Variants in LUZP2 observed in about 807,000 individuals in gnomAD.
LUZP2 encodes leucine zipper protein 2.
Under a neutral mutation model 51.6 loss-of-function variants are expected in LUZP2, and 52 were observed. The ratio of observed to expected loss-of-function variants is 1.01; its 90% CI spans 0.81 to 1.27. The LOEUF (loss-of-function observed/expected upper bound fraction) is 1.27. Ranked by LOEUF, LUZP2 falls within the 50% of genes most tolerant of loss-of-function variation. The pLI, the probability that LUZP2 is intolerant of heterozygous loss-of-function variation, is 0.00. For missense variants in LUZP2, 436 were observed against 395.4 expected, an observed-to-expected ratio of 1.10 and a Z score of -0.87; for synonymous variants, 154 against 137.3, an observed-to-expected ratio of 1.12 and a Z score of -0.85.
intron 1 of LUZP2, among the ~76,000 whole-genome samples, chr11:24,509,331 A>G (rs1367859938): frequency 6.6e-6 from 1 of 152,044 alleles, no homozygotes; most frequent in African/African-American, 2.4e-5. Context: ...ACTGTGAAGT[A>G]TAGTACAGTC....
At chr11:24,801,890 G>T (rs576322620) in intron 5 of LUZP2, among the ~76,000 whole-genome samples, 14 of 150,232 alleles carry the variant, frequency 9.3e-5, no homozygotes, top group Non-Finnish European at 1.8e-4. Flanking sequence ...TCTGTCATTT[G>T]CAAATAGGTT....
In LUZP2 at chr11:25,080,405, T is replaced by A. The variant is rs950463204; in HGVS notation, c.*1747T>A. 9.2e-5 allele frequency: 14 copies of A among 152,158 alleles called. No individual in the cohort carries two copies. The highest frequency in any genetic ancestry group is 3.4e-4 in the African/African-American group (14 of 41,436). 9.4% of individuals were successfully genotyped at this position (152,158 alleles called of 1,614,324 possible). ...TTTCAGACTTACAATGTTTTCAACC[T>A]TTGACTTCTTTATCTGTATGTAATC... On this transcript the variant is annotated 3_prime_UTR_variant, in exon 12 of 12. Transcript: ENST00000336930.
At chr11:25,041,168 C>G (rs946493061) in intron 9 of LUZP2, among the ~76,000 whole-genome samples, 2 of 152,026 alleles carry the variant, frequency 1.3e-5, no homozygotes, top group African/African-American at 4.8e-5. Flanking sequence ...GGATATTTTC[C>G]AAGACCTTGA....
chr11:24,840,567 T>C (rs1020195099), intron 5 of LUZP2, among the ~76,000 whole-genome samples: 2 of 151,918 alleles, frequency 1.3e-5, no homozygotes, highest in African/African-American at 4.8e-5. Context: ...AATATATGTA[T>C]ACTCAGCCCT....
At chr11:24,741,986 T>A in intron 4 of LUZP2, among the ~76,000 whole-genome samples, 1 of 132,154 alleles carries the variant, frequency 7.6e-6, no homozygotes, top group African/African-American at 2.8e-5. Flanking sequence ...TTATATATTA[T>A]ATATAAATGT....
Position 24,628,506 on chromosome 11 carries a change from T to C in LUZP2, c.63-100663T>C, listed in dbSNP as rs189619064. Reference sequence around the variant, plus strand: ...GTGCAGTTGAGTCCTGATTTATTAGTTTCAAAAGCATTTTCTAAGTAATTG... The same window carrying C: ...GTGCAGTTGAGTCCTGATTTATTAGCTTCAAAAGCATTTTCTAAGTAATTG... On this transcript the variant is annotated intron_variant, in intron 1 of 11. Transcript: ENST00000336930. 3.5e-3 allele frequency among the ~76,000 whole-genome samples: 530 copies of C among 152,220 alleles called. 4 individuals are homozygous for C. Among genetic ancestry groups the C allele is most frequent in the African/African-American group, 0.012 (502 of 41,534 alleles).
intron 1 of LUZP2, among the ~76,000 whole-genome samples, chr11:24,580,212 C>A (rs1396843): frequency 0.38 from 57,705 of 151,878 alleles, 11,153 homozygotes; most frequent in Middle Eastern, 0.51. Flanking sequence ...TAATTCAGTT[C>A]TGGGAGACCA....
chr11:24,702,850 G>A (rs1169908313), intron 1 of LUZP2, among the ~76,000 whole-genome samples: 1 of 152,168 alleles, frequency 6.6e-6, no homozygotes, highest in Admixed American at 6.6e-5. Flanking sequence ...ATTTTGCTAT[G>A]TTGCTTGAGT....
chr11:24,663,859 C>A (rs1590316173), intron 1 of LUZP2, among the ~76,000 whole-genome samples: 2 of 152,116 alleles, frequency 1.3e-5, no homozygotes, highest in Admixed American at 1.3e-4. Flanking sequence ...TTTCCTGATG[C>A]CTTGTGAAGA....
At chr11:24,829,937 C>G (rs4922697) in intron 5 of LUZP2, among the ~76,000 whole-genome samples, 89,383 of 151,976 alleles carry the variant, frequency 0.59, 27,686 homozygotes, top group East Asian at 0.69. Context: ...CATAGTACTC[C>G]CTGCTGTCTG....
At chr11:24,840,912 C>G (rs962426905) in intron 5 of LUZP2, among the ~76,000 whole-genome samples, 5 of 151,976 alleles carry the variant, frequency 3.3e-5, no homozygotes, top group Non-Finnish European at 7.4e-5. Context: ...ATTTCTCCAA[C>G]TTTATAAGAG....
At chr11:24,741,537 T>C (rs1859142381) in intron 4 of LUZP2, among the ~76,000 whole-genome samples, 1 of 151,866 alleles carries the variant, frequency 6.6e-6, no homozygotes, top group African/African-American at 2.4e-5. Context: ...CACTGCATCC[T>C]ATTTGTAGTC....
chr11:24,951,085 T>C (rs1590765311), intron 7 of LUZP2, among the ~76,000 whole-genome samples: 1 of 151,540 alleles, frequency 6.6e-6, no homozygotes, highest in East Asian at 1.9e-4. Flanking sequence ...TGGGAGGCAA[T>C]GAAGCCCTGA....
At chr11:24,524,762 C>T (rs2133809252) in intron 1 of LUZP2, among the ~76,000 whole-genome samples, 2 of 151,742 alleles carry the variant, frequency 1.3e-5, no homozygotes, top group South Asian at 4.1e-4. Flanking sequence ...AATGTTCTGT[C>T]CTTGAATGTC....
chr11:24,737,062 G>A (rs539141794), intron 3 of LUZP2, among the ~76,000 whole-genome samples: 1 of 152,192 alleles, frequency 6.6e-6, no homozygotes, highest in South Asian at 2.1e-4. Context: ...GGGTGAAAGA[G>A]CAGCTTATGG....
At chr11:24,689,985 G>T (rs1291256174) in intron 1 of LUZP2, among the ~76,000 whole-genome samples, 2 of 152,054 alleles carry the variant, frequency 1.3e-5, no homozygotes, top group Admixed American at 6.6e-5. Flanking sequence ...GTCTGGAAAA[G>T]GTGTTTAGCT....
intron 1 of LUZP2, among the ~76,000 whole-genome samples, chr11:24,550,281 A>G (rs1482247196): frequency 1.3e-5 from 2 of 152,122 alleles, no homozygotes; most frequent in African/African-American, 4.8e-5. Context: ...AATTTAAAGA[A>G]TAATTTTGAA....
chr11:24,732,110 C>T lies in LUZP2; in HGVS notation c.181-8C>T. On this transcript the variant is annotated splice_region_variant and splice_polypyrimidine_tract_variant and intron_variant, in intron 2 of 11. Transcript: ENST00000336930. The stretch of plus-strand genomic sequence containing the variant: ...AATAAAACTTCATTTTTCCACTTTT[C>T]TTATCAGTCCTTAAAAAACGATGAG... 2 of 1,601,234 alleles carry T rather than the reference C, an allele frequency of 1.2e-6. No individual in the cohort carries two copies. Among genetic ancestry groups the T allele is most frequent in the Non-Finnish European group, 1.7e-6 (2 of 1,172,458 alleles).
chr11:24,642,775 T>G (rs1296744411), intron 1 of LUZP2, among the ~76,000 whole-genome samples: 1 of 149,234 alleles, frequency 6.7e-6, no homozygotes, highest in African/African-American at 2.6e-5. Flanking sequence ...GTGGTTTTTC[T>G]TTTGCCAAGT....
Sources: gnomAD v4.1 joint callset for allele counts (sites outside exome capture counted in the v4.1 genomes callset) on GRCh38, gnomAD v4.1.1 for gene constraint, MANE v1.5 for transcripts, NCBI Gene and HGNC (gene_info 2026-07-23, HGNC 2026-07-21) for gene names.